CAST: variants seen among roughly 807,000 people sequenced by gnomAD.
CAST encodes the protein MIR583 host.
In CAST, 76 loss-of-function variants were observed where a neutral mutation model predicts 119.6. The observed-to-expected ratio is 0.64, with a 90% CI of 0.53 to 0.77. The LOEUF is 0.77. Among genes scored for constraint, CAST ranks in the 30% least tolerant of loss-of-function variants. CAST has a pLI of 0.00. For missense variants in CAST, 953 were observed against 946.5 expected (o/e 1.01, Z -0.09); for synonymous variants, 319 against 331.6 (o/e 0.96, Z 0.41).
At position 96,726,781 on chromosome 5, in the gene CAST, G is replaced by A; in HGVS notation, c.271-13G>A. The stretch of plus-strand genomic sequence containing the variant: ...AAAATAAAATTATACCTGGGGCTGT[G>A]CTCTTATATTAGGCCATTCCAGTCA... On this transcript the variant is annotated splice_polypyrimidine_tract_variant and intron_variant, in intron 4 of 31. Coordinates refer to ENST00000675179, the MANE Select transcript of CAST (RefSeq NM_001750.7). The A allele has an allele frequency of 6.3e-7, 1 of 1,595,616 alleles. No homozygotes were observed. Among genetic ancestry groups the A allele is most frequent in the Non-Finnish European group, 8.6e-7 (1 of 1,165,534 alleles).
chr5:96,474,224 A>G, the CAST span, among the ~76,000 whole-genome samples: 1 of 152,304 alleles, frequency 6.6e-6, no homozygotes, highest in East Asian at 1.9e-4. Flanking sequence ...AACGAGGTCC[A>G]AATTATGATG....
At chr5:96,275,920 G>A in the CAST span, among the ~76,000 whole-genome samples, 9 of 152,298 alleles carry the variant, frequency 5.9e-5, no homozygotes, top group Non-Finnish European at 1.2e-4. Context: ...AAGAATACCC[G>A]TGTTAAAAGC....
intron 1 of CAST, among the ~76,000 whole-genome samples, chr5:96,653,117 C>A (rs1401464350): frequency 6.6e-6 from 1 of 152,214 alleles, no homozygotes; most frequent in African/African-American, 2.4e-5. Context: ...TTCTCACAGG[C>A]TCCAGGGACA....
intron 1 of CAST, among the ~76,000 whole-genome samples, chr5:96,569,999 A>G (rs116439745): frequency 3.9e-4 from 59 of 152,328 alleles, no homozygotes; most frequent in African/African-American, 1.3e-3. Context: ...ATCTAATTCC[A>G]TCTGACTGAC....
chr5:96,026,290 TG>T, the CAST span, among the ~76,000 whole-genome samples: 8 of 152,064 alleles, frequency 5.3e-5, no homozygotes, highest in Admixed American at 6.6e-5. Flanking sequence ...TGGGTTATGG[TG>T]GGACAGTGAT....
chr5:96,514,127 C>T, the CAST span, among the ~76,000 whole-genome samples: 1 of 152,058 alleles, frequency 6.6e-6, no homozygotes, highest in Non-Finnish European at 1.5e-5. Context: ...CTGCACTGAC[C>T]CTATTTCTAA....
chr5:96,445,463 C>A, the CAST span, among the ~76,000 whole-genome samples: 1 of 152,206 alleles, frequency 6.6e-6, no homozygotes, highest in African/African-American at 2.4e-5. Flanking sequence ...ATTGCCCAGA[C>A]ACATAATGGT....
the CAST span, among the ~76,000 whole-genome samples, chr5:96,068,627 G>A: frequency 2.7e-5 from 4 of 148,882 alleles, no homozygotes; most frequent in African/African-American, 7.5e-5. Context: ...GTGTGTGTGT[G>A]TATAATATGT....
chr5:96,762,323 A>G lies in CAST; in HGVS notation c.1883A>G (p.Gln628Arg), dbSNP rs77824911. The change falls in exon 25 of 32, where the codon CAA (glutamine) becomes CGA (arginine). Residue 628 changes from glutamine (Q) to arginine (R), a missense_variant. Physicochemically the swap from Gln to Arg is conservative, Grantham distance 43 (BLOSUM62 1). Transcript: ENST00000675179. ...LAAAISEVVSQTPASTTQAGA... is the reference protein window; with the variant it reads ...LAAAISEVVSRTPASTTQAGA... The stretch of plus-strand genomic sequence containing the variant: ...GCTGCCATCTCTGAAGTGGTTTCCC[A>G]AACCCCAGCTTCAACGACCCAAGCT... 2 of 1,608,744 alleles carry G rather than the reference A, an allele frequency of 1.2e-6. No individual in the cohort carries two copies. The highest frequency in any genetic ancestry group is 4.5e-5 in the East Asian group (2 of 44,532).
At chr5:96,182,181 T>C in the CAST span, among the ~76,000 whole-genome samples, 1 of 152,230 alleles carries the variant, frequency 6.6e-6, no homozygotes, top group Non-Finnish European at 1.5e-5. Context: ...ATGTTTTAGG[T>C]CCCTGCAAAT....
chr5:96,284,906 T>G, the CAST span, among the ~76,000 whole-genome samples: 1 of 152,168 alleles, frequency 6.6e-6, no homozygotes, highest in Non-Finnish European at 1.5e-5. Context: ...CAACAGTAAA[T>G]CTTTCACTAC....
In CAST at chr5:96,729,619, G is replaced by C; in HGVS notation, c.443G>C (p.Ser148Thr). ...CTGTGTGTGTACTTTCAGCCAAAAA[G>C]CCTACCCAAGCAGGCATCAGATACA... ...GKPKEHTEPK[S>T]LPKQASDTGS... The change falls in exon 8 of 32, where the codon AGC becomes ACC. Residue 148 changes from serine (S) to threonine (T), a missense_variant. Transcript: ENST00000675179. 1 of 1,534,782 alleles carries C rather than the reference G, an allele frequency of 6.5e-7. No individual in the cohort carries two copies. Among genetic ancestry groups the C allele is most frequent in the Non-Finnish European group, 9.0e-7 (1 of 1,107,986 alleles).
intron 1 of CAST, among the ~76,000 whole-genome samples, chr5:96,656,780 CA>C (rs1233917259): frequency 6.6e-6 from 1 of 152,080 alleles, no homozygotes; most frequent in East Asian, 1.9e-4. Flanking sequence ...AAAGGAGGAA[CA>C]GGGGTGAGCC....
At chr5:96,292,021 T>C in the CAST span, among the ~76,000 whole-genome samples, 44 of 152,338 alleles carry the variant, frequency 2.9e-4, no homozygotes, top group African/African-American at 9.4e-4. Flanking sequence ...TTCAGACTTT[T>C]GTGCTTTCTG....
chr5:96,259,057 T>C, the CAST span, among the ~76,000 whole-genome samples: 72 of 152,198 alleles, frequency 4.7e-4, 1 homozygote, highest in Non-Finnish European at 1.2e-4. Flanking sequence ...TATAAAAATA[T>C]GTATGAGTAA....
the CAST span, among the ~76,000 whole-genome samples, chr5:96,415,474 TC>T: frequency 2.0e-5 from 3 of 152,200 alleles, no homozygotes; most frequent in Admixed American, 6.5e-5. Flanking sequence ...TTCTTGTAAA[TC>T]GTTTCTTTAT....
chr5:96,268,346 G>A, the CAST span, among the ~76,000 whole-genome samples: 3 of 152,180 alleles, frequency 2.0e-5, no homozygotes, highest in East Asian at 1.9e-4. Context: ...GCTCAGATGG[G>A]AGAATTGCCT....
chr5:95,961,713 C>G, the CAST span: 5 of 1,605,070 alleles, frequency 3.1e-6, no homozygotes, highest in Non-Finnish European at 4.2e-6. Flanking sequence ...CTGTCCCCCC[C>G]GCCGCCATCT....
intron 3 of CAST, among the ~76,000 whole-genome samples, chr5:96,698,296 G>A (rs1405069525): frequency 6.6e-6 from 1 of 152,142 alleles, no homozygotes; most frequent in Non-Finnish European, 1.5e-5. Flanking sequence ...CTTAAGAGCT[G>A]GGAGGGGCAG....
Sources: gnomAD v4.1 joint callset for allele counts (sites outside exome capture counted in the v4.1 genomes callset) on GRCh38, gnomAD v4.1.1 for gene constraint, MANE v1.5 for transcripts, NCBI Gene and HGNC (gene_info 2026-07-23, HGNC 2026-07-21) for gene names.